AEBP2: variants seen among roughly 807,000 people sequenced by gnomAD.
AEBP2 encodes zinc finger protein AEBP2.
AEBP2 carries 10 observed loss-of-function variants against 50.8 expected under a neutral mutation model. The ratio of observed to expected loss-of-function variants is 0.20; its 90% confidence interval spans 0.12 to 0.33. The LOEUF is 0.33. Among genes scored for constraint, AEBP2 ranks in the 10% least tolerant of loss-of-function variants. The pLI, the probability that AEBP2 is intolerant of heterozygous loss-of-function variation, is 1.00. For missense variants in AEBP2, 570 were observed against 688.0 expected, an observed-to-expected ratio of 0.83 and a Z score of 1.92; for synonymous variants, 296 against 261.3, an observed-to-expected ratio of 1.13 and a Z score of -1.28.
At chr12:19,452,504 C>CTTTTT (rs753170316) in intron 1 of AEBP2, among the ~76,000 whole-genome samples, 3 of 147,604 alleles carry the variant, frequency 2.0e-5, no homozygotes, top group Non-Finnish European at 3.0e-5. Context: ...TTTTCTTTTT[C>CTTTTT]TTTTTTTTTT....
chr12:19,502,718 G>A (rs1949100950), intron 5 of AEBP2, among the ~76,000 whole-genome samples: 1 of 150,812 alleles, frequency 6.6e-6, no homozygotes, highest in East Asian at 2.0e-4. Flanking sequence ...GCATGATCTC[G>A]GCTCACTGCA....
intron 5 of AEBP2, among the ~76,000 whole-genome samples, chr12:19,504,320 C>G (rs954138051): frequency 6.6e-6 from 1 of 151,458 alleles, no homozygotes; most frequent in Non-Finnish European, 1.5e-5. Flanking sequence ...CTGCAAGCTC[C>G]GCCTCCCAGG....
Position 19,518,119 on chromosome 12 carries a change from A to C in AEBP2, c.*2A>C. 1 of 1,596,218 alleles carries C rather than the reference A, an allele frequency of 6.3e-7. No individual in the cohort carries two copies. Among genetic ancestry groups the C allele is most frequent in the Non-Finnish European group, 8.5e-7 (1 of 1,170,882 alleles). On this transcript the variant is annotated 3_prime_UTR_variant, in exon 8 of 8. Coordinates refer to ENST00000266508, the MANE Select transcript of AEBP2 (RefSeq NM_153207.5). ...CCGCAGAAGAGGTTGAAGAGGTAAA[A>C]AATAAATAAATACATAAAAAGCAAA... is the stretch of plus-strand genomic sequence containing the variant.
intron 1 of AEBP2, among the ~76,000 whole-genome samples, chr12:19,433,250 T>C (rs750931970): frequency 7.5e-4 from 113 of 150,990 alleles, no homozygotes; most frequent in Admixed American, 1.4e-3. Flanking sequence ...GAGTCAGGTG[T>C]GGTGGCGCAT....
chr12:19,484,499 C>T (rs183193573), intron 3 of AEBP2, among the ~76,000 whole-genome samples: 20 of 151,366 alleles, frequency 1.3e-4, no homozygotes, highest in South Asian at 2.1e-4. Flanking sequence ...CTCAGCCTCC[C>T]GAGTAGCTGG....
chr12:19,442,571 C>T (rs796541166), intron 1 of AEBP2, among the ~76,000 whole-genome samples: 14 of 152,246 alleles, frequency 9.2e-5, no homozygotes, highest in African/African-American at 3.4e-4. Context: ...ATTTTTACAT[C>T]TTATTTCAGA....
intron 3 of AEBP2, among the ~76,000 whole-genome samples, chr12:19,474,494 T>G (rs1290615998): frequency 1.3e-5 from 2 of 152,174 alleles, no homozygotes; most frequent in African/African-American, 2.4e-5. Context: ...GTTTCCCCCC[T>G]TCCTCCCAAA....
chr12:19,407,233 C>T (rs1279012892), intron 1 of AEBP2, among the ~76,000 whole-genome samples: 21 of 152,156 alleles, frequency 1.4e-4, no homozygotes, highest in Admixed American at 9.8e-4. Context: ...AGAAGTTCAA[C>T]GCAAGGTTGC....
At chr12:19,477,337 G>A (rs987260386) in intron 3 of AEBP2, among the ~76,000 whole-genome samples, 4 of 152,074 alleles carry the variant, frequency 2.6e-5, no homozygotes, top group Non-Finnish European at 5.9e-5. Flanking sequence ...TAGTACTTAT[G>A]TTGAATGGAA....
At chr12:19,494,063 T>G (rs1948933450) in intron 4 of AEBP2, 77 bp downstream of exon 4, 1 of 1,405,864 alleles carries the variant, frequency 7.1e-7, no homozygotes. Context: ...AAATCCACTT[T>G]GAACTTCAAC....
Position 19,439,770 on chromosome 12 carries a change from G to A in AEBP2, c.71G>A (p.Ser24Asn). ...CGCCTGAGCCCTCTGCCCCCCGGCA[G>A]CCCGGGTTCGGCGGCGCGGGGCCGG... ...LSRLSPLPPGSPGSAARGRAE... is the reference protein window; with the variant it reads ...LSRLSPLPPGNPGSAARGRAE... The change falls in exon 1 of 8, where the codon AGC becomes AAC. Residue 24 changes from serine (S) to asparagine (N), a missense_variant. Physicochemically the swap from Ser to Asn is conservative, Grantham distance 46. This residue lies in a region of AEBP2 where 386 missense variants were observed against 336.8 expected (regional missense o/e 1.15). Coordinates refer to ENST00000266508, the MANE Select transcript of AEBP2 (RefSeq NM_153207.5). 6.6e-7 allele frequency: 1 copy of A among 1,517,078 alleles called. No individual in the cohort carries two copies. Among genetic ancestry groups the A allele is most frequent in the Non-Finnish European group, 8.8e-7 (1 of 1,139,062 alleles). 94.0% of individuals were successfully genotyped at this position (1,517,078 alleles called of 1,614,324 possible).
intron 2 of AEBP2, among the ~76,000 whole-genome samples, chr12:19,463,138 T>G (rs987924631): frequency 6.6e-6 from 1 of 152,232 alleles, no homozygotes; most frequent in Non-Finnish European, 1.5e-5. Flanking sequence ...TATGCAATTC[T>G]ATTAAATAAC....
intron 4 of AEBP2, among the ~76,000 whole-genome samples, chr12:19,499,274 T>A (rs1282061856): frequency 6.6e-6 from 1 of 152,148 alleles, no homozygotes; most frequent in African/African-American, 2.4e-5. Flanking sequence ...TTTTATTAGA[T>A]CATTGTTCAA....
At chr12:19,429,140 A>C (rs533725528) in intron 1 of AEBP2, among the ~76,000 whole-genome samples, 1 of 152,034 alleles carries the variant, frequency 6.6e-6, no homozygotes, top group African/African-American at 2.4e-5. Flanking sequence ...CTCTCACCCC[A>C]CAACAGGCCC....
chr12:19,424,608 G>A (rs2095747583), intron 1 of AEBP2, among the ~76,000 whole-genome samples: 1 of 151,296 alleles, frequency 6.6e-6, no homozygotes, highest in Non-Finnish European at 1.5e-5. Context: ...CTGTTAGCCA[G>A]GATGGTCTCG....
rs115042218 is a variant in AEBP2 at position 19,483,013 on chromosome 12, G to A, written c.987+9658G>A. On this transcript the variant is annotated intron_variant, in intron 3 of 7. Coordinates refer to ENST00000266508, the MANE Select transcript of AEBP2 (RefSeq NM_153207.5). The stretch of plus-strand genomic sequence containing the variant: ...AGGCCTTCAGACCTCGCCCCTCCCC[G>A]TCTGCCTACTCTGTCAGCAGCTCTG... Among the ~76,000 whole-genome samples the A allele has an allele frequency of 8.6e-3, 1,315 of 152,148 alleles. 20 individuals carry two copies. The highest frequency in any genetic ancestry group is 0.03 in the African/African-American group (1,260 of 41,498).
chr12:19,513,914 G>T, intron 6 of AEBP2, among the ~76,000 whole-genome samples: 1 of 143,476 alleles, frequency 7.0e-6, no homozygotes. Context: ...TTTTTTAATG[G>T]AGTTTAGTCT....
intron 3 of AEBP2, among the ~76,000 whole-genome samples, chr12:19,483,761 C>T (rs1301047885): frequency 6.6e-6 from 1 of 152,160 alleles, no homozygotes; most frequent in Non-Finnish European, 1.5e-5. Context: ...TGTAGATACA[C>T]TTGGGTTGCT....
In AEBP2 at chr12:19,481,012, C is replaced by T. The variant is rs146614100; in HGVS notation, c.987+7657C>T. On this transcript the variant is annotated intron_variant, in intron 3 of 7. Transcript: ENST00000266508. ...TTAAGTGTCTTTTCTTTGTCTTTGT[C>T]TGATTGGGTTATTTCGAAAGCCTTG... 1.8e-3 allele frequency among the ~76,000 whole-genome samples: 270 copies of T among 146,838 alleles called. 4 individuals are homozygous for T. The highest frequency in any genetic ancestry group is 6.0e-4 in the Non-Finnish European group (40 of 66,810).
Sources: gnomAD v4.1 joint callset for allele counts (sites outside exome capture counted in the v4.1 genomes callset) on GRCh38, gnomAD v4.1.1 for gene constraint, gnomAD v4.1.1 regional missense constraint, MANE v1.5 for transcripts, NCBI Gene and HGNC (gene_info 2026-07-23, HGNC 2026-07-21) for gene names.